The following MLLT10 variants were observed in gnomAD, a reference collection of about 807,000 sequenced individuals.
MLLT10 encodes the protein protein AF-10.
In MLLT10, 30 loss-of-function variants were observed where a neutral mutation model predicts 129.1. The ratio of observed to expected loss-of-function variants is 0.23; its 90% CI spans 0.17 to 0.32. The LOEUF (loss-of-function observed/expected upper bound fraction) is 0.32. Ranked by LOEUF, MLLT10 falls within the 10% of genes least tolerant of loss-of-function variation. The probability of loss-of-function intolerance (pLI) is 1.00; values close to 1 mark genes in which losing one functional copy is unlikely to be tolerated. For missense variants in MLLT10, 1,119 were observed against 1,268.3 expected, an observed-to-expected ratio of 0.88 and a Z score of 1.79; for synonymous variants, 490 against 446.4, an observed-to-expected ratio of 1.10 and a Z score of -1.23.
rs2046325510 is a variant in MLLT10 at position 21,625,323 on chromosome 10, C to T, written c.699+8116C>T. 4 of 778,972 alleles carry T rather than the reference C, an allele frequency of 5.1e-6. No individual in the cohort carries two copies. The South Asian group carries it at 5.7e-5, about 11-fold the overall frequency. 48.3% of individuals were successfully genotyped at this position (778,972 alleles called of 1,614,324 possible). A position where few individuals can be genotyped will look rare whatever the true frequency, so the allele number is the denominator to read the frequency against. On this transcript the variant is annotated intron_variant, in intron 8 of 22. Coordinates refer to ENST00000307729, the MANE Select transcript of MLLT10 (RefSeq NM_001195626.3). ...GCCATAACAGCTGCTCGTCTGTCTTCAGAATGAACAAATGCATAATCTTTC... is the reference window on the plus strand; with the variant it reads ...GCCATAACAGCTGCTCGTCTGTCTTTAGAATGAACAAATGCATAATCTTTC...
At chr10:21,596,468 G>A (rs2043025878) in intron 5 of MLLT10, among the ~76,000 whole-genome samples, 2 of 152,214 alleles carry the variant, frequency 1.3e-5, no homozygotes, top group African/African-American at 2.4e-5. Flanking sequence ...TACACTGCTA[G>A]CATCTGTGTA....
chr10:21,639,600 C>A (rs754700276), intron 8 of MLLT10, among the ~76,000 whole-genome samples: 2 of 152,052 alleles, frequency 1.3e-5, no homozygotes, highest in Non-Finnish European at 2.9e-5. Flanking sequence ...TTTGTTATAC[C>A]GAGTTCACTG....
chr10:21,542,422 T>A (rs2035333861), intron 3 of MLLT10, among the ~76,000 whole-genome samples: 1 of 151,944 alleles, frequency 6.6e-6, no homozygotes, highest in Admixed American at 6.6e-5. Context: ...TACAAAAAAT[T>A]AGCCGGGCGT....
At chr10:21,592,381 C>T (rs1400507434) in intron 4 of MLLT10, among the ~76,000 whole-genome samples, 2 of 150,410 alleles carry the variant, frequency 1.3e-5, no homozygotes, top group Non-Finnish European at 3.0e-5. Context: ...TCTAGTTTTT[C>T]TTTTGATAAC....
intron 11 of MLLT10, among the ~76,000 whole-genome samples, chr10:21,674,439 A>G (rs1227246819): frequency 1.3e-5 from 2 of 152,196 alleles, no homozygotes; most frequent in Non-Finnish European, 2.9e-5. Context: ...TATGGAATCC[A>G]GCAGTCACAT....
Position 21,670,629 on chromosome 10 carries a change from G to C in MLLT10, c.976G>C (p.Gly326Arg), listed in dbSNP as rs771619329. The C allele has an allele frequency of 6.2e-7, 1 of 1,614,170 alleles. No homozygotes were observed. Among genetic ancestry groups the C allele is most frequent in the Non-Finnish European group, 8.5e-7 (1 of 1,180,034 alleles). Reference protein sequence around the residue: ...KGKKSSAHSSGQRGRKPGGGR... With the variant: ...KGKKSSAHSSRQRGRKPGGGR... ...GAAGAAATCTTCAGCTCACAGCTCA[G>C]GTCAAAGGGGAAGAAAGCCTGGTGG... is the stretch of plus-strand genomic sequence containing the variant. The change falls in exon 10 of 23, where the codon GGT (glycine) becomes CGT (arginine). Residue 326 changes from glycine (G) to arginine (R), a missense_variant. Gly to Arg is a moderately radical substitution (Grantham distance 125). This residue lies in a region of MLLT10 where 1,004 missense variants were observed against 1,008.7 expected (regional missense o/e 1.00). Coordinates refer to ENST00000307729, the MANE Select transcript of MLLT10 (RefSeq NM_001195626.3).
intron 8 of MLLT10, among the ~76,000 whole-genome samples, chr10:21,621,490 C>T (rs765561376): frequency 3.3e-5 from 5 of 152,142 alleles, no homozygotes; most frequent in Non-Finnish European, 5.9e-5. Flanking sequence ...CATGATCCGC[C>T]CCTCTCGGCC....
chr10:21,705,552 C>G (rs912876857), intron 13 of MLLT10, among the ~76,000 whole-genome samples: 2 of 152,122 alleles, frequency 1.3e-5, no homozygotes, highest in Admixed American at 1.3e-4. Context: ...ACTGGAGAGC[C>G]CAGGGCCATG....
intron 13 of MLLT10, among the ~76,000 whole-genome samples, chr10:21,697,525 A>G (rs1037267259): frequency 2.6e-5 from 4 of 152,196 alleles, no homozygotes; most frequent in Admixed American, 6.5e-5. Flanking sequence ...ATGTATTTCA[A>G]ATTTTAAAAA....
intron 3 of MLLT10, among the ~76,000 whole-genome samples, chr10:21,568,150 A>G (rs1233141443): frequency 2.0e-5 from 3 of 152,124 alleles, no homozygotes. Flanking sequence ...GTCAGTGCCC[A>G]TCGGTGTTCC....
At chr10:21,670,364 C>T in intron 9 of MLLT10, 85 bp from the exon 10 acceptor site, 2 of 1,293,796 alleles carry the variant, frequency 1.5e-6, no homozygotes, top group East Asian at 2.5e-5. Flanking sequence ...TCTGCAAGTT[C>T]TTCTTATTAA....
intron 11 of MLLT10, among the ~76,000 whole-genome samples, chr10:21,678,854 A>T (rs57536686): frequency 6.6e-6 from 1 of 152,186 alleles, no homozygotes; most frequent in Non-Finnish European, 1.5e-5. Context: ...GATCCTTGGA[A>T]CAGCCTTGTG....
At chr10:21,652,719 T>TG (rs2049166452) in intron 9 of MLLT10, among the ~76,000 whole-genome samples, 1 of 152,166 alleles carries the variant, frequency 6.6e-6, no homozygotes, top group African/African-American at 2.4e-5. Flanking sequence ...TGAATTGAGA[T>TG]GTAACGTGGT....
At chr10:21,586,403 A>G in intron 4 of MLLT10, 55 bp downstream of exon 4, 1 of 1,200,258 alleles carries the variant, frequency 8.3e-7, no homozygotes, top group Admixed American at 2.6e-5. Context: ...ACAGTGGAGT[A>G]TTTTCAAATA....
intron 9 of MLLT10, among the ~76,000 whole-genome samples, chr10:21,668,062 AAAC>A (rs1183281949): frequency 2.0e-5 from 3 of 152,144 alleles, no homozygotes; most frequent in African/African-American, 4.8e-5. Context: ...CTCCAGTAGA[AAAC>A]AACAACAACA....
chr10:21,584,045 A>T (rs2041740438), intron 3 of MLLT10, among the ~76,000 whole-genome samples: 1 of 150,812 alleles, frequency 6.6e-6, no homozygotes, highest in Admixed American at 6.6e-5. Flanking sequence ...AATTTTTTGT[A>T]TTTTTAATAG....
At chr10:21,593,362 T>TAAG (rs1425610152) in intron 4 of MLLT10, among the ~76,000 whole-genome samples, 1 of 152,146 alleles carries the variant, frequency 6.6e-6, no homozygotes, top group Non-Finnish European at 1.5e-5. Flanking sequence ...GTGCTGGGCT[T>TAAG]ACGGGTGTGA....
chr10:21,589,652 A>T (rs1032735082), intron 4 of MLLT10, among the ~76,000 whole-genome samples: 3 of 152,114 alleles, frequency 2.0e-5, no homozygotes, highest in African/African-American at 7.2e-5. Context: ...CCATCTCCAG[A>T]CATATATTTT....
At chr10:21,640,669 T>C (rs1053679950) in intron 8 of MLLT10, among the ~76,000 whole-genome samples, 4 of 152,174 alleles carry the variant, frequency 2.6e-5, no homozygotes, top group Admixed American at 1.3e-4. Context: ...GACCTTTGCT[T>C]TCTGTCTTCT....
Sources: allele counts gnomAD v4.1 joint callset (sites outside exome capture counted in the v4.1 genomes callset), GRCh38; gene constraint gnomAD v4.1.1; regional missense constraint gnomAD v4.1.1; transcripts MANE v1.5; gene names NCBI Gene and HGNC (gene_info 2026-07-23, HGNC 2026-07-21).